The following STK32C variants were observed in gnomAD, a reference collection of about 807,000 sequenced individuals.
STK32C encodes serine/threonine-protein kinase 32C.
Under a neutral mutation model 56.5 loss-of-function variants are expected in STK32C, and 31 were observed. That is an observed-to-expected ratio of 0.55 (90% CI 0.41 to 0.74). The LOEUF is 0.74. Ranked by LOEUF, STK32C falls within the 30% of genes least tolerant of loss-of-function variation. The pLI is 0.00. For synonymous variants in STK32C, 309 were observed against 289.4 expected (o/e 1.07, Z -0.69); for missense variants, 544 against 676.9 (o/e 0.80, Z 2.18).
At chr10:132,269,180 CGTGT>C (rs560544262) in intron 1 of STK32C, among the ~76,000 whole-genome samples, 19 of 147,934 alleles carry the variant, frequency 1.3e-4, no homozygotes, top group South Asian at 2.2e-4. Context: ...TGTGTCACAT[CGTGT>C]GTGTGTCTGT....
At chr10:132,241,211 CA>C (rs1263753724) in intron 2 of STK32C, among the ~76,000 whole-genome samples, 15 of 152,192 alleles carry the variant, frequency 9.9e-5, no homozygotes, top group Non-Finnish European at 1.9e-4. Flanking sequence ...ACGCCCAGCC[CA>C]CCCAACTCCT....
chr10:132,280,415 CT>C (rs1481614432), intron 1 of STK32C, among the ~76,000 whole-genome samples: 10 of 125,232 alleles, frequency 8.0e-5, no homozygotes, highest in African/African-American at 1.9e-4. Flanking sequence ...CCTCCACCCC[CT>C]GATCACACCA....
At chr10:132,296,489 A>G (rs952672476) in intron 1 of STK32C, among the ~76,000 whole-genome samples, 4 of 152,128 alleles carry the variant, frequency 2.6e-5, no homozygotes, top group Admixed American at 2.0e-4. Context: ...CAGCTTCACA[A>G]CTTTTCTATA....
At chr10:132,272,768 C>T (rs563078952) in intron 1 of STK32C, among the ~76,000 whole-genome samples, 3 of 152,314 alleles carry the variant, frequency 2.0e-5, no homozygotes, top group Admixed American at 1.3e-4. Context: ...TGTCAAGCCC[C>T]GCTCTGCTCA....
chr10:132,282,701 G>A (rs12247439), intron 1 of STK32C, among the ~76,000 whole-genome samples: 18,352 of 152,298 alleles, frequency 0.12, 1,282 homozygotes, highest in East Asian at 0.26. Context: ...TAAGGAAGCC[G>A]ACACAAAGCA....
intron 1 of STK32C, among the ~76,000 whole-genome samples, chr10:132,296,263 G>A (rs1213721425): frequency 3.3e-5 from 5 of 151,694 alleles, no homozygotes; most frequent in Admixed American, 6.6e-5. Flanking sequence ...GTCACAGCAC[G>A]GAGTAGACTA....
At chr10:132,298,315 C>T (rs904918337) in intron 1 of STK32C, among the ~76,000 whole-genome samples, 17 of 152,234 alleles carry the variant, frequency 1.1e-4, no homozygotes, top group Admixed American at 2.6e-4. Context: ...CAAGAAGGCC[C>T]GGCATCTTCT....
intron 1 of STK32C, among the ~76,000 whole-genome samples, chr10:132,278,662 G>GA (rs777226303): frequency 5.0e-4 from 76 of 151,876 alleles, no homozygotes; most frequent in East Asian, 1.2e-3. Flanking sequence ...TCAGGAGGCT[G>GA]GGCGGGAGAA....
intron 1 of STK32C, among the ~76,000 whole-genome samples, chr10:132,314,040 A>G (rs1021866528): frequency 1.3e-5 from 2 of 152,196 alleles, no homozygotes; most frequent in African/African-American, 4.8e-5. Flanking sequence ...CAGGGCATCC[A>G]TGGAGCAGCA....
intron 1 of STK32C, among the ~76,000 whole-genome samples, chr10:132,253,204 G>A (rs2138002220): frequency 6.6e-6 from 1 of 152,368 alleles, no homozygotes; most frequent in East Asian, 1.9e-4. Context: ...CCGGAAAGCA[G>A]CACTCCAACG....
At chr10:132,299,804 G>A (rs546363546) in intron 1 of STK32C, among the ~76,000 whole-genome samples, 1 of 152,376 alleles carries the variant, frequency 6.6e-6, no homozygotes, top group South Asian at 2.1e-4. Flanking sequence ...CCCGGTTTGA[G>A]AAACGCGGTG....
intron 1 of STK32C, among the ~76,000 whole-genome samples, chr10:132,318,428 C>T (rs1175900366): frequency 3.3e-5 from 5 of 151,768 alleles, no homozygotes; most frequent in Admixed American, 2.0e-4. Context: ...CCAGCCCAGC[C>T]AACATAGGAA....
Position 132,226,853 on chromosome 10 carries a change from A to G in STK32C, c.586T>C (p.Tyr196His). 6.2e-7 allele frequency: 1 copy of G among 1,613,390 alleles called. No individual in the cohort carries two copies. The highest frequency in any genetic ancestry group is 8.5e-7 in the Non-Finnish European group (1 of 1,180,024). The change falls in exon 4 of 12, where the codon TAC (tyrosine) becomes CAC (histidine). Residue 196 changes from tyrosine (Y) to histidine (H), a missense_variant. Transcript: ENST00000298630. The stretch of plus-strand genomic sequence containing the variant: ...AGAGCCAGTGCCATCTCGCAGATGT[A>G]CAGCCTCACCGTGTCCTCGGAGAAC... ...VQFSEDTVRL[Y>H]ICEMALALDY...
chr10:132,324,663 AAG>A (rs1187611473), intron 1 of STK32C, among the ~76,000 whole-genome samples: 1 of 152,240 alleles, frequency 6.6e-6, no homozygotes, highest in Non-Finnish European at 1.5e-5. Flanking sequence ...TGTTGACAAA[AAG>A]AGTCAAGCTC....
intron 1 of STK32C, among the ~76,000 whole-genome samples, chr10:132,326,116 G>T (rs2066494705): frequency 6.6e-6 from 1 of 152,164 alleles, no homozygotes; most frequent in Admixed American, 6.5e-5. Context: ...TTCAGGATCG[G>T]GGAGGCCTGG....
At chr10:132,309,008 A>G (rs1418294347), upstream of STK32C, among the ~76,000 whole-genome samples, 1 of 152,176 alleles carries the variant, frequency 6.6e-6, no homozygotes, top group Non-Finnish European at 1.5e-5. Flanking sequence ...ACCAGGACAC[A>G]AAGACGGGGT....
intron 1 of STK32C, among the ~76,000 whole-genome samples, chr10:132,289,537 C>A (rs1470100846): frequency 1.3e-5 from 2 of 152,342 alleles, no homozygotes; most frequent in African/African-American, 4.8e-5. Flanking sequence ...TCAGTTCAGG[C>A]TACTATAACA....
chr10:132,290,689 G>A (rs1367389299), intron 1 of STK32C, among the ~76,000 whole-genome samples: 1 of 152,196 alleles, frequency 6.6e-6, no homozygotes, highest in Non-Finnish European at 1.5e-5. Context: ...GCATCCCCCT[G>A]ACCACAGCCC....
chr10:132,298,161 C>T (rs533356424), intron 1 of STK32C, among the ~76,000 whole-genome samples: 95 of 152,342 alleles, frequency 6.2e-4, no homozygotes, highest in African/African-American at 2.2e-3. Flanking sequence ...ACAGCCCGGC[C>T]GACCCGCAGC....
Sources: gnomAD v4.1 joint callset for allele counts (sites outside exome capture counted in the v4.1 genomes callset) on GRCh38, gnomAD v4.1.1 for gene constraint, MANE v1.5 for transcripts, NCBI Gene and HGNC (gene_info 2026-07-23, HGNC 2026-07-21) for gene names.